KCNN1: variants seen among roughly 807,000 people sequenced by gnomAD.
KCNN1 encodes the protein potassium calcium-activated channel subfamily N member 1.
In KCNN1, 20 loss-of-function variants were observed where a neutral mutation model predicts 44.7. The ratio of observed to expected loss-of-function variants is 0.45; its 90% CI spans 0.32 to 0.65. KCNN1 has a LOEUF of 0.65. Ranked by LOEUF, KCNN1 falls within the 30% of genes least tolerant of loss-of-function variation. KCNN1 has a pLI of 0.05. For synonymous variants in KCNN1, 324 were observed against 341.7 expected, an observed-to-expected ratio of 0.95 and a Z score of 0.57; for missense variants, 632 against 785.3, an observed-to-expected ratio of 0.80 and a Z score of 2.33.
At chr19:17,952,199 C>A (rs2145892861) in intron 1 of KCNN1, 1 of 152,038 alleles carries the variant, frequency 6.6e-6, no homozygotes, top group African/African-American at 2.4e-5. Flanking sequence ...CGGGGCGGGG[C>A]CCAGGTCGGC....
chr19:17,989,736 C>T lies in KCNN1; in HGVS notation c.1191C>T (p.Asn397=), dbSNP rs759594384. The T allele has an allele frequency of 1.2e-5, 20 of 1,613,754 alleles. No individual in the cohort carries two copies. The highest frequency in any genetic ancestry group is 1.4e-5 in the Non-Finnish European group (16 of 1,179,872). Residue 397 remains asparagine, a synonymous_variant, in exon 7 of 10, where the codon AAC becomes AAT. Coordinates refer to ENST00000684775, the MANE Select transcript of KCNN1 (RefSeq NM_001386974.1). ...CCCAGGTAAAAAACGCCGCTGCTAA[C>T]GTTCTCAGGGAGACGTGGCTCATCT... is the stretch of plus-strand genomic sequence containing the variant. ...LTKRVKNAAA[N]VLRETWLIYK...
intron 1 of KCNN1, among the ~76,000 whole-genome samples, chr19:17,968,031 TG>T (rs1365068973): frequency 7.2e-6 from 1 of 138,316 alleles, no homozygotes; most frequent in Non-Finnish European, 1.6e-5. Flanking sequence ...AGGCAGTGTC[TG>T]TCTGCCCTGC....
At chr19:17,980,007 G>A (rs996240839) in intron 3 of KCNN1, among the ~76,000 whole-genome samples, 1 of 151,630 alleles carries the variant, frequency 6.6e-6, no homozygotes, top group African/African-American at 2.4e-5. Flanking sequence ...TTCAAAGCCA[G>A]CCTGGGCAAC....
intron 9 of KCNN1, among the ~76,000 whole-genome samples, chr19:17,997,221 CCT>C (rs961159593): frequency 6.6e-5 from 10 of 152,180 alleles, no homozygotes; most frequent in Non-Finnish European, 1.2e-4. Context: ...TCATTAGACC[CCT>C]GTCCCCTCCC....
chr19:17,993,550 CCT>C lies in KCNN1; in HGVS notation c.1369_1370del (p.Leu457SerfsTer126). On this transcript the variant is annotated frameshift_variant, in exon 9 of 10. Coordinates refer to ENST00000684775, the MANE Select transcript of KCNN1 (RefSeq NM_001386974.1). LOFTEE classifies it low-confidence loss of function (END_TRUNC). The surrounding 1 kb of genome is among the most constrained non-coding windows in gnomAD (Gnocchi z 4.5). The part of the protein sequence containing the change: ...LNDQANTLTD[L>X]AKTQTVMYDL... ...ACGACCAGGCTAACACGCTTACCGA[CCT>C]AGCCAAGGTGAGTGGGTTGGGGCAG... is the stretch of plus-strand genomic sequence containing the variant. 1 of 1,613,578 alleles carries C rather than the reference CCT, an allele frequency of 6.2e-7. No homozygotes were observed. Among genetic ancestry groups the C allele is most frequent in the Non-Finnish European group, 8.5e-7 (1 of 1,179,558 alleles).
At chr19:17,990,361 G>A (rs553955835) in intron 7 of KCNN1, among the ~76,000 whole-genome samples, 50 of 151,274 alleles carry the variant, frequency 3.3e-4, no homozygotes, top group Non-Finnish European at 5.4e-4. Context: ...GTGTGCCTCT[G>A]TGGTCCCAGA....
At chr19:17,982,788 C>T (rs2032462359) in intron 4 of KCNN1, among the ~76,000 whole-genome samples, 1 of 152,142 alleles carries the variant, frequency 6.6e-6, no homozygotes, top group Admixed American at 6.5e-5. Context: ...CCCTTGTGTC[C>T]GAAGGGTGAG....
intron 7 of KCNN1, among the ~76,000 whole-genome samples, chr19:17,992,539 T>G (rs1328393300): frequency 1.3e-5 from 2 of 152,150 alleles, no homozygotes; most frequent in Non-Finnish European, 2.9e-5. Flanking sequence ...AAGTGGAGGT[T>G]GCAGTGAGCT....
intron 5 of KCNN1, among the ~76,000 whole-genome samples, chr19:17,986,090 G>A (rs1186991873): frequency 6.6e-6 from 1 of 152,188 alleles, no homozygotes; most frequent in African/African-American, 2.4e-5. Context: ...AAATAGCCGG[G>A]AGTGGTGGCT....
chr19:17,990,492 AAAG>A (rs1225367527), intron 7 of KCNN1, among the ~76,000 whole-genome samples: 1 of 149,648 alleles, frequency 6.7e-6, no homozygotes, highest in African/African-American at 2.5e-5. Context: ...AAAAAAAAAA[AAAG>A]AAAGAAAAGA....
intron 2 of KCNN1, among the ~76,000 whole-genome samples, chr19:17,962,071 G>A (rs937879388): frequency 6.6e-6 from 1 of 152,084 alleles, no homozygotes. Flanking sequence ...TTATGGGATC[G>A]GTTGGACCCA....
At chr19:17,978,358 C>A (rs970169191) in intron 3 of KCNN1, among the ~76,000 whole-genome samples, 1 of 150,404 alleles carries the variant, frequency 6.6e-6, no homozygotes, top group Non-Finnish European at 1.5e-5. Context: ...AACTCCTGAC[C>A]TCGTGTTCCA....
chr19:17,974,401 G>C lies in KCNN1; in HGVS notation c.402+111G>C, dbSNP rs2032137425. 5 of 1,265,740 alleles carry C rather than the reference G, an allele frequency of 4.0e-6. No homozygotes were observed. Among genetic ancestry groups the C allele is most frequent in the Non-Finnish European group, 5.3e-6 (5 of 947,550 alleles). The allele number at this position is 1,265,740 out of a possible 1,614,324, so 78.4% of individuals were successfully genotyped here. A position where few individuals can be genotyped will look rare whatever the true frequency, so the allele number is the denominator to read the frequency against. ...CCCCCCGGGAGATAGGGAGTGTTAG[G>C]GGGCTCCCGGAGGTGAGGGCTCCCT... On this transcript the variant is annotated intron_variant, in intron 2 of 9. Coordinates refer to ENST00000684775, the MANE Select transcript of KCNN1 (RefSeq NM_001386974.1). The surrounding 1 kb of genome is among the most constrained non-coding windows in gnomAD (Gnocchi z 7.3).
intron 1 of KCNN1, among the ~76,000 whole-genome samples, chr19:17,952,678 C>T (rs2031442860): frequency 6.6e-6 from 1 of 152,122 alleles, no homozygotes; most frequent in Non-Finnish European, 1.5e-5. Context: ...GTTCCCGTTG[C>T]CCCCTCCTCC....
At chr19:17,995,594 T>C (rs1343025365) in intron 9 of KCNN1, among the ~76,000 whole-genome samples, 4 of 151,790 alleles carry the variant, frequency 2.6e-5, no homozygotes, top group Non-Finnish European at 5.9e-5. Flanking sequence ...TAACTTCTTT[T>C]TTTCTTTTTG....
At position 17,981,726 on chromosome 19, in the gene KCNN1, C is replaced by G. The variant is rs376771442; in HGVS notation, c.516C>G (p.Asn172Lys). ...CTCCACAGCTGTTCATGGTGGACAA[C>G]GGGGCTGATGACTGGCGCATCGCCA... Reference protein sequence around the residue: ...AREIQLFMVDNGADDWRIAMT... With the variant: ...AREIQLFMVDKGADDWRIAMT... The change falls in exon 4 of 10, where the codon AAC (asparagine) becomes AAG (lysine). Residue 172 changes from asparagine (N) to lysine (K), a missense_variant. Asn to Lys is a moderately conservative substitution (Grantham distance 94). Around this residue, in one of 3 missense-constraint regions of KCNN1, gnomAD observed 160 missense variants for 308.3 expected, o/e 0.52. Coordinates refer to ENST00000684775, the MANE Select transcript of KCNN1 (RefSeq NM_001386974.1). The G allele has an allele frequency of 6.3e-7, 1 of 1,588,006 alleles. No homozygotes were observed. The highest frequency in any genetic ancestry group is 8.6e-7 in the Non-Finnish European group (1 of 1,162,388).
chr19:17,967,144 CG>C lies in KCNN1; in HGVS notation c.-250del. 2 of 970,234 alleles carry C rather than the reference CG, an allele frequency of 2.1e-6. No individual in the cohort carries two copies. Among genetic ancestry groups the C allele is most frequent in the East Asian group, 1.2e-4 (1 of 8,650 alleles). 60.1% of individuals were successfully genotyped at this position (970,234 alleles called of 1,614,324 possible). On this transcript the variant is annotated 5_prime_UTR_variant, in exon 1 of 10. Coordinates refer to ENST00000684775, the MANE Select transcript of KCNN1 (RefSeq NM_001386974.1). ...CCCGCCGGGCCCGTGGACTGGGCGGCGGGGGATGCGCCTGCCGCCGCCGCCC... is the reference window on the plus strand; with the variant it reads ...CCCGCCGGGCCCGTGGACTGGGCGGCGGGGATGCGCCTGCCGCCGCCGCCC...
At chr19:17,964,741 G>T (rs886763987), upstream of KCNN1, among the ~76,000 whole-genome samples, 1 of 152,246 alleles carries the variant, frequency 6.6e-6, no homozygotes, top group Non-Finnish European at 1.5e-5. This position sits in a 1 kb window ranked among gnomAD's most constrained non-coding sequence, Gnocchi z 4.3. Flanking sequence ...GACTGACTCA[G>T]GTGGGAGGCA....
chr19:17,995,019 G>C (rs917333197), intron 9 of KCNN1, among the ~76,000 whole-genome samples: 1 of 152,084 alleles, frequency 6.6e-6, no homozygotes, highest in Admixed American at 6.6e-5. Context: ...GTCAGCTTGA[G>C]GCTAATTTCA....
Sources: gnomAD v4.1 joint callset for allele counts (sites outside exome capture counted in the v4.1 genomes callset) on GRCh38, gnomAD v4.1.1 for gene constraint, gnomAD v4.1.1 regional missense constraint, Gnocchi (gnomAD v3.1) non-coding constraint, MANE v1.5 for transcripts, NCBI Gene and HGNC (gene_info 2026-07-23, HGNC 2026-07-21) for gene names.